The following PYGB variants were observed in gnomAD, a reference collection of about 807,000 sequenced individuals.
The protein encoded by PYGB is glycogen phosphorylase B, also known as glycogen phosphorylase, brain form.
In PYGB, 82 loss-of-function variants were observed where a neutral mutation model predicts 94.3. The observed-to-expected ratio is 0.87, with a 90% confidence interval of 0.73 to 1.04. The LOEUF (loss-of-function observed/expected upper bound fraction) is 1.04. Among genes scored for constraint, PYGB ranks in the 50% least tolerant of loss-of-function variants. The probability of loss-of-function intolerance (pLI) is 0.00; values close to 1 mark genes in which losing one functional copy is unlikely to be tolerated. For missense variants in PYGB, 1,132 were observed against 1,158.2 expected (o/e 0.98, Z 0.33); for synonymous variants, 488 against 479.1 (o/e 1.02, Z -0.24).
Position 25,282,150 on chromosome 20 carries a change from G to A in PYGB, c.1518+3G>A, listed in dbSNP as rs777426540. ...GGCTGGCCGATACCATCGTGGAGGT[G>A]AGTCCCGGGCCCCACCCGTGCCTGT... is the stretch of plus-strand genomic sequence containing the variant. On this transcript the variant is annotated splice_donor_region_variant and intron_variant, in intron 12 of 19. Transcript: ENST00000216962. The A allele has an allele frequency of 6.2e-7, 1 of 1,607,902 alleles. No homozygotes were observed. The highest frequency in any genetic ancestry group is 1.7e-5 in the Admixed American group (1 of 59,916).
At chr20:25,252,409 A>G (rs555710261) in intron 1 of PYGB, among the ~76,000 whole-genome samples, 1 of 152,312 alleles carries the variant, frequency 6.6e-6, no homozygotes, top group East Asian at 1.9e-4. Context: ...GCATCTTACA[A>G]TTCAGTTCCG....
In PYGB at chr20:25,289,237, TC is replaced by T. The variant is rs557669187; in HGVS notation, c.1827+756del. ...CACACCCCATTTGGTCTCTGTCCACTCCTGTCACCTGCTGTTTTTGAAGCAA... is the reference window on the plus strand; with the variant it reads ...CACACCCCATTTGGTCTCTGTCCACTCTGTCACCTGCTGTTTTTGAAGCAA... On this transcript the variant is annotated intron_variant, in intron 15 of 19. Coordinates refer to ENST00000216962, the MANE Select transcript of PYGB (RefSeq NM_002862.4). 1.6e-4 allele frequency among the ~76,000 whole-genome samples: 24 copies of T among 152,396 alleles called. No homozygotes were observed. In the South Asian group the frequency reaches 4.8e-3, roughly 30 times the overall value.
At chr20:25,260,623 G>A (rs979655203) in intron 2 of PYGB, among the ~76,000 whole-genome samples, 2 of 152,192 alleles carry the variant, frequency 1.3e-5, no homozygotes, top group Admixed American at 1.3e-4. Flanking sequence ...ACTGGGGCTT[G>A]TCGGACTGTG....
chr20:25,268,271 GTA>G (rs1339354043), intron 2 of PYGB, among the ~76,000 whole-genome samples: 1 of 147,386 alleles, frequency 6.8e-6, no homozygotes, highest in Non-Finnish European at 1.5e-5. Context: ...TCAAATTACT[GTA>G]TGTGTCAATA....
chr20:25,288,298 G>A, intron 14 of PYGB, 127 bp from the exon 15 acceptor site: 1 of 1,075,356 alleles, frequency 9.3e-7, no homozygotes, highest in Non-Finnish European at 1.4e-6. Flanking sequence ...CCGTGTCTCT[G>A]GGGCTTGAAG....
At chr20:25,271,003 A>G (rs1297560495) in intron 3 of PYGB, among the ~76,000 whole-genome samples, 2 of 152,018 alleles carry the variant, frequency 1.3e-5, no homozygotes, top group African/African-American at 4.8e-5. Context: ...TGATGTGTTG[A>G]TGTGTCCCTG....
chr20:25,274,228 G>T (rs1034118236), intron 4 of PYGB, among the ~76,000 whole-genome samples: 5 of 152,208 alleles, frequency 3.3e-5, no homozygotes, highest in Non-Finnish European at 7.3e-5. Context: ...GCAGGTGCTT[G>T]TTCTGAACAT....
chr20:25,295,575 C>G, intron 18 of PYGB, 29 bp from the exon 19 acceptor site: 1 of 1,606,962 alleles, frequency 6.2e-7, no homozygotes, highest in South Asian at 1.1e-5. Flanking sequence ...CCCTGCTGCC[C>G]TGGCCCAGCC....
Position 25,277,268 on chromosome 20 carries a change from C to T in PYGB, c.797C>T (p.Ala266Val), listed in dbSNP as rs962209297. The T allele has an allele frequency of 1.9e-6, 3 of 1,579,066 alleles. No individual in the cohort carries two copies. The highest frequency in any genetic ancestry group is 2.2e-5 in the East Asian group (1 of 44,704). Residue 266 changes from alanine to valine, a missense_variant, in exon 7 of 20, where the codon GCG becomes GTG. Transcript: ENST00000216962. ...GTCAACGTGGGAGACTACATCGAGG[C>T]GGTCCTGGACCGGAACTTGGCTGAG... is the stretch of plus-strand genomic sequence containing the variant. Reference protein sequence around the residue: ...QDFNVGDYIEAVLDRNLAENI... With the variant: ...QDFNVGDYIEVVLDRNLAENI...
chr20:25,269,292 G>C, intron 3 of PYGB, 85 bp downstream of exon 3: 1 of 1,150,776 alleles, frequency 8.7e-7, no homozygotes, highest in African/African-American at 1.6e-5. Context: ...CAGGTAAATT[G>C]GCCTCAGGGT....
intron 5 of PYGB, 143 bp from the exon 6 acceptor site, chr20:25,276,503 G>A (rs1351863767): frequency 6.1e-6 from 4 of 655,496 alleles, no homozygotes; most frequent in Admixed American, 2.5e-5. Flanking sequence ...GCATGGGCTG[G>A]GTGGATGTGT....
In PYGB at chr20:25,248,106, C is replaced by T; in HGVS notation, c.-73C>T. On this transcript the variant is annotated 5_prime_UTR_variant, in exon 1 of 20. Coordinates refer to ENST00000216962, the MANE Select transcript of PYGB (RefSeq NM_002862.4). Reference sequence around the variant, plus strand: ...CGCCAGAGCAGCGGCGCCAGAGCAGCTGCACCATCCCGGCGTTCGCGTGTG... The same window carrying T: ...CGCCAGAGCAGCGGCGCCAGAGCAGTTGCACCATCCCGGCGTTCGCGTGTG... The T allele has an allele frequency of 1.4e-6, 2 of 1,447,374 alleles. No individual in the cohort carries two copies. The highest frequency in any genetic ancestry group is 1.6e-5 in the African/African-American group (1 of 60,910). 89.7% of individuals were successfully genotyped at this position (1,447,374 alleles called of 1,614,324 possible). A position where few individuals can be genotyped will look rare whatever the true frequency, so the allele number is the denominator to read the frequency against.
intron 14 of PYGB, among the ~76,000 whole-genome samples, chr20:25,286,574 C>A (rs965569745): frequency 6.6e-6 from 1 of 152,106 alleles, no homozygotes; most frequent in Non-Finnish European, 1.5e-5. Flanking sequence ...TGGGGCTATT[C>A]GGAATAGGCT....
intron 16 of PYGB, among the ~76,000 whole-genome samples, chr20:25,291,104 CCA>C (rs2088463537): frequency 6.6e-6 from 1 of 152,198 alleles, no homozygotes; most frequent in African/African-American, 2.4e-5. Flanking sequence ...CCAGCTTCCC[CCA>C]ACTCCACTGC....
chr20:25,275,262 C>T (rs776458034), intron 5 of PYGB, among the ~76,000 whole-genome samples: 24 of 152,236 alleles, frequency 1.6e-4, no homozygotes, highest in Non-Finnish European at 3.1e-4. Context: ...TCCTGCCCAG[C>T]AGGGTGCTGA....
Position 25,283,294 on chromosome 20 carries a change from C to T in PYGB, c.1620+17C>T, listed in dbSNP as rs1301708265. The T allele has an allele frequency of 1.2e-6, 2 of 1,601,962 alleles. No homozygotes were observed. Among genetic ancestry groups the T allele is most frequent in the African/African-American group, 2.7e-5 (2 of 74,714 alleles). On this transcript the variant is annotated intron_variant, in intron 13 of 19. Transcript: ENST00000216962. ...GTCAAACAGGTAGGCATGGCCCTGG[C>T]CCCAGCCCCGACCCCAGCCCTCCCA...
intron 15 of PYGB, chr20:25,289,905 C>G (rs752845982): frequency 2.8e-5 from 15 of 533,418 alleles, no homozygotes; most frequent in Non-Finnish European, 5.8e-5. Flanking sequence ...GACAGGAGTC[C>G]TCCGTGTCCT....
rs199565904 is a variant in PYGB at position 25,297,556 on chromosome 20, G to C, written c.*1034G>C. ...AGGGGTCCCGGAGGAACCCATTTGT[G>C]CTCTGCTTGGACAGCAGGCCTGGCA... is the stretch of plus-strand genomic sequence containing the variant. On this transcript the variant is annotated 3_prime_UTR_variant, in exon 20 of 20. Coordinates refer to ENST00000216962, the MANE Select transcript of PYGB (RefSeq NM_002862.4). The C allele has an allele frequency of 1.3e-5, 2 of 152,310 alleles. No individual in the cohort carries two copies. Among genetic ancestry groups the C allele is most frequent in the Non-Finnish European group, 2.9e-5 (2 of 68,100 alleles). The allele number at this position is 152,310 out of a possible 1,614,324, so 9.4% of individuals were successfully genotyped here.
chr20:25,249,333 TAGGTACATGGTAGTCTTGCAC>T (rs1371569038), intron 1 of PYGB, among the ~76,000 whole-genome samples: 1 of 152,242 alleles, frequency 6.6e-6, no homozygotes, highest in Non-Finnish European at 1.5e-5. Flanking sequence ...TTCAGTTTGA[TAGGTACATGGTAGTCTTGCAC>T]AGCCCCCTGT....
Sources: gnomAD v4.1 joint callset for allele counts (sites outside exome capture counted in the v4.1 genomes callset) on GRCh38, gnomAD v4.1.1 for gene constraint, MANE v1.5 for transcripts, NCBI Gene and HGNC (gene_info 2026-07-23, HGNC 2026-07-21) for gene names.